The following SDSL variants were observed in gnomAD, a reference collection of about 807,000 sequenced individuals.
SDSL encodes serine dehydratase-like.
In SDSL, 26 loss-of-function variants were observed where a neutral mutation model predicts 27.6. That is an observed-to-expected ratio of 0.94 (90% CI 0.69 to 1.31). The LOEUF (loss-of-function observed/expected upper bound fraction) is 1.31. Among genes scored for constraint, SDSL ranks in the 50% most tolerant of loss-of-function variants. The pLI is 0.00. For synonymous variants in SDSL, 196 were observed against 180.6 expected, an observed-to-expected ratio of 1.09 and a Z score of -0.69; for missense variants, 431 against 423.5, an observed-to-expected ratio of 1.02 and a Z score of -0.16.
intron 2 of SDSL, 85 bp downstream of exon 2, chr12:113,428,241 G>A: frequency 1.4e-6 from 2 of 1,410,746 alleles, no homozygotes; most frequent in Non-Finnish European, 1.9e-6. Flanking sequence ...GACGGGTTCG[G>A]GCAGGAGGGG....
intron 4 of SDSL, among the ~76,000 whole-genome samples, chr12:113,432,104 T>A (rs1957928930): frequency 6.6e-6 from 1 of 152,028 alleles, no homozygotes; most frequent in Non-Finnish European, 1.5e-5. Flanking sequence ...TTGGCCAGGC[T>A]GGTCTCGAAC....
chr12:113,436,090 C>G (rs1158676081), intron 6 of SDSL, among the ~76,000 whole-genome samples: 1 of 152,158 alleles, frequency 6.6e-6, no homozygotes, highest in African/African-American at 2.4e-5. Flanking sequence ...CTGTGAATAG[C>G]CATCGTGCTC....
At chr12:113,433,220 C>G (rs1957955555) in intron 4 of SDSL, among the ~76,000 whole-genome samples, 1 of 152,186 alleles carries the variant, frequency 6.6e-6, no homozygotes, top group African/African-American at 2.4e-5. Flanking sequence ...GAGACCATTT[C>G]TTGGCTTCTC....
intron 3 of SDSL, 71 bp downstream of exon 3, chr12:113,428,530 A>T (rs940008740): frequency 1.4e-6 from 2 of 1,427,322 alleles, no homozygotes; most frequent in South Asian, 2.6e-5. Context: ...GGCAGTACAC[A>T]TCCAGGGTTG....
In SDSL at chr12:113,434,111, G is replaced by C. The variant is rs780687208; in HGVS notation, c.355-23G>C. The C allele has an allele frequency of 1.6e-5, 25 of 1,606,626 alleles. 1 individual carries two copies. The highest frequency in any genetic ancestry group is 3.3e-4 in the Middle Eastern group (2 of 6,048). On this transcript the variant is annotated intron_variant, in intron 4 of 7. Coordinates refer to ENST00000403593, the MANE Select transcript of SDSL (RefSeq NM_001304993.2). ...TAGCAGTCCCACTCCCGGCTGTTCT[G>C]AGGGCCCTTGGTTTCTCTGTAGGTC...
intron 4 of SDSL, among the ~76,000 whole-genome samples, chr12:113,429,636 A>G (rs1957895365): frequency 1.3e-5 from 2 of 152,338 alleles, no homozygotes; most frequent in South Asian, 4.2e-4. Flanking sequence ...TAAGACAAGA[A>G]GTATCAAGAT....
Position 113,429,061 on chromosome 12 carries a change from T to C in SDSL, c.215-99T>C, listed in dbSNP as rs1032389721. ...AAGGAGTCAATGGGGCATATGAATG[T>C]TGGGGACGAGTGACTCTGAAGGGAT... On this transcript the variant is annotated intron_variant, in intron 3 of 7. Coordinates refer to ENST00000403593, the MANE Select transcript of SDSL (RefSeq NM_001304993.2). The C allele has an allele frequency of 2.1e-6, 3 of 1,409,210 alleles. No individual in the cohort carries two copies. In the Admixed American group the frequency reaches 6.1e-5, roughly 29 times the overall value. The allele number at this position is 1,409,210 out of a possible 1,614,324, so 87.3% of individuals were successfully genotyped here. A position where few individuals can be genotyped will look rare whatever the true frequency, so the allele number is the denominator to read the frequency against.
Position 113,436,789 on chromosome 12 carries a change from G to A in SDSL, c.710G>A (p.Arg237Gln), listed in dbSNP as rs143959006. ...CTGGGTGCCAAGACGGTGGCCGCTC[G>A]GGCCCTGGAGTGCATGCAGGTGTGC... ...KSLGAKTVAA[R>Q]ALECMQVCKI... The change falls in exon 7 of 8, where the codon CGG becomes CAG. Residue 237 changes from arginine to glutamine, a missense_variant. Physicochemically the swap from Arg to Gln is conservative, Grantham distance 43. Coordinates refer to ENST00000403593, the MANE Select transcript of SDSL (RefSeq NM_001304993.2). The A allele has an allele frequency of 4.3e-3, 6,870 of 1,611,064 alleles. 22 individuals carry two copies. The highest frequency in any genetic ancestry group is 5.4e-3 in the Non-Finnish European group (6,375 of 1,179,406).
chr12:113,431,684 C>T (rs1957923506), intron 4 of SDSL, among the ~76,000 whole-genome samples: 1 of 151,616 alleles, frequency 6.6e-6, no homozygotes, highest in Admixed American at 6.6e-5. Flanking sequence ...AGCAATTCTC[C>T]TGCCTTGGCC....
At position 113,434,165 on chromosome 12, in the gene SDSL, A is replaced by G; in HGVS notation, c.386A>G (p.Glu129Gly). Residue 129 changes from glutamate (E) to glycine (G), a missense_variant, in exon 5 of 8, where the codon GAG (glutamate) becomes GGG (glycine). Physicochemically the swap from Glu to Gly is moderately conservative, Grantham distance 98. Transcript: ENST00000403593. The stretch of plus-strand genomic sequence containing the variant: ...GACGAGGCCAATCTGAGGGCGCAAG[A>G]GTTGGCCAAGAGGGACGGCTGGGAG... ...VWDEANLRAQELAKRDGWENV... is the reference protein window; with the variant it reads ...VWDEANLRAQGLAKRDGWENV... 1 of 1,613,756 alleles carries G rather than the reference A, an allele frequency of 6.2e-7. No homozygotes were observed. Among genetic ancestry groups the G allele is most frequent in the Non-Finnish European group, 8.5e-7 (1 of 1,179,780 alleles).
chr12:113,434,506 T>C (rs1957966789), intron 5 of SDSL, among the ~76,000 whole-genome samples: 1 of 152,222 alleles, frequency 6.6e-6, no homozygotes, highest in African/African-American at 2.4e-5. Flanking sequence ...ACCAGGCTAA[T>C]GGCTCCTCCT....
intron 4 of SDSL, 63 bp downstream of exon 4, chr12:113,429,362 C>G: frequency 6.6e-7 from 1 of 1,507,786 alleles, no homozygotes; most frequent in South Asian, 1.2e-5. Flanking sequence ...TCACCCCACC[C>G]CTAAGACATC....
At chr12:113,434,065 G>C in intron 4 of SDSL, 69 bp from the exon 5 acceptor site, 4 of 1,296,942 alleles carry the variant, frequency 3.1e-6, no homozygotes, top group Non-Finnish European at 3.3e-6. Context: ...AGGAGATCCT[G>C]GGCCTCTGCT....
intron 4 of SDSL, among the ~76,000 whole-genome samples, chr12:113,432,196 G>T (rs903970540): frequency 2.0e-5 from 3 of 151,514 alleles, no homozygotes; most frequent in Non-Finnish European, 4.4e-5. Context: ...TGGCTGACAG[G>T]TTTGTTTGTT....
chr12:113,425,636 T>C, intron 1 of SDSL: 1 of 454,606 alleles, frequency 2.2e-6, no homozygotes, highest in Non-Finnish European at 4.4e-6. Flanking sequence ...TCCCTCTCAT[T>C]TCCTCCATCT....
intron 3 of SDSL, 80 bp downstream of exon 3, chr12:113,428,539 T>A: frequency 7.6e-7 from 1 of 1,313,810 alleles, no homozygotes; most frequent in Non-Finnish European, 1.1e-6. Flanking sequence ...CATCCAGGGT[T>A]GGTCTCCTCT....
Position 113,435,377 on chromosome 12 carries a change from C to A in SDSL, c.492C>A (p.Thr164=), listed in dbSNP as rs1473468016. 11 of 1,600,658 alleles carry A rather than the reference C, an allele frequency of 6.9e-6. No homozygotes were observed. Among genetic ancestry groups the A allele is most frequent in the African/African-American group, 1.3e-5 (1 of 74,820 alleles). The change falls in exon 6 of 8, where the codon ACC becomes ACA. Residue 164 remains threonine (T), a synonymous_variant. Transcript: ENST00000403593. ...LVQELKAVLR[T]PPGALVLAVG... ...AGGAGCTGAAAGCAGTGCTGAGGAC[C>A]CCACCAGGTGCCCTGGTGCTGGCAG...
chr12:113,425,522 CT>C (rs1957836326), intron 1 of SDSL: 2 of 377,742 alleles, frequency 5.3e-6, no homozygotes, highest in African/African-American at 4.3e-5. Context: ...AGCGCCCCCC[CT>C]AGCGGCCAAT....
At chr12:113,431,421 A>T (rs1408293097) in intron 4 of SDSL, among the ~76,000 whole-genome samples, 1 of 152,172 alleles carries the variant, frequency 6.6e-6, no homozygotes, top group Admixed American at 6.5e-5. Context: ...GATGTCAAGC[A>T]CTACACGGTT....
Sources: gnomAD v4.1 joint callset for allele counts (sites outside exome capture counted in the v4.1 genomes callset) on GRCh38, gnomAD v4.1.1 for gene constraint, MANE v1.5 for transcripts, NCBI Gene and HGNC (gene_info 2026-07-23, HGNC 2026-07-21) for gene names.